The following NEBL variants were observed in gnomAD, a reference collection of about 807,000 sequenced individuals.
NEBL encodes LIM and SH3 protein 2.
In NEBL, 122 loss-of-function variants were observed where a neutral mutation model predicts 140.2. That is an observed-to-expected ratio of 0.87 (90% CI 0.75 to 1.01). The LOEUF (loss-of-function observed/expected upper bound fraction) is 1.01, where lower values mean the gene tolerates loss of function less well. NEBL is among the 50% of genes least tolerant of loss of function. The pLI, the probability that NEBL is intolerant of heterozygous loss-of-function variation, is 0.00. For missense variants in NEBL, 1,365 were observed against 1,231.3 expected, an observed-to-expected ratio of 1.11 and a Z score of -1.62; for synonymous variants, 436 against 398.9, an observed-to-expected ratio of 1.09 and a Z score of -1.11.
At chr10:20,796,200 C>T (rs565877169) in intron 26 of NEBL, among the ~76,000 whole-genome samples, 1 of 151,566 alleles carries the variant, frequency 6.6e-6, no homozygotes, top group African/African-American at 2.4e-5. Flanking sequence ...CACACCTCTA[C>T]TAAAATACAA....
intron 4 of NEBL, among the ~76,000 whole-genome samples, chr10:20,910,103 A>G (rs944568285): frequency 2.0e-5 from 3 of 152,330 alleles, no homozygotes; most frequent in Non-Finnish European, 2.9e-5. Flanking sequence ...GCAGTTTGTC[A>G]TGGAAAGTCT....
chr10:21,041,852 C>CCA (rs1834281600), intron 2 of NEBL, among the ~76,000 whole-genome samples: 1 of 152,166 alleles, frequency 6.6e-6, no homozygotes, highest in Non-Finnish European at 1.5e-5. Context: ...CCACTTTAGA[C>CCA]CATATATAGT....
intron 3 of NEBL, among the ~76,000 whole-genome samples, chr10:21,227,034 A>G (rs146197912): frequency 5.9e-5 from 9 of 152,244 alleles, no homozygotes; most frequent in South Asian, 2.1e-4. Context: ...GATTTCACCA[A>G]TTCAATTCTT....
At chr10:21,036,640 G>A (rs1457766376) in intron 2 of NEBL, among the ~76,000 whole-genome samples, 1 of 152,040 alleles carries the variant, frequency 6.6e-6, no homozygotes, top group Non-Finnish European at 1.5e-5. Flanking sequence ...TTCAAAAAGT[G>A]CATTCAGATC....
intron 2 of NEBL, among the ~76,000 whole-genome samples, chr10:21,107,329 T>G (rs1837765972): frequency 6.6e-6 from 1 of 152,216 alleles, no homozygotes; most frequent in Non-Finnish European, 1.5e-5. Context: ...CTCATTATTT[T>G]GAGATACGTT....
chr10:20,966,241 G>C (rs1310329204), intron 3 of NEBL, among the ~76,000 whole-genome samples: 1 of 152,192 alleles, frequency 6.6e-6, no homozygotes, highest in African/African-American at 2.4e-5. Flanking sequence ...ACAGAAACAT[G>C]ATATGCATGT....
At chr10:20,846,539 A>C (rs1348958300) in intron 11 of NEBL, among the ~76,000 whole-genome samples, 3 of 152,214 alleles carry the variant, frequency 2.0e-5, no homozygotes, top group Non-Finnish European at 4.4e-5. Context: ...AACAAAGTTA[A>C]ATAACCAGTT....
At chr10:21,051,855 C>T (rs1834793446) in intron 2 of NEBL, among the ~76,000 whole-genome samples, 3 of 152,000 alleles carry the variant, frequency 2.0e-5, no homozygotes, top group African/African-American at 7.3e-5. Flanking sequence ...ACATTTGTTC[C>T]TTAAGTATTT....
intron 7 of NEBL, among the ~76,000 whole-genome samples, chr10:20,867,082 TTC>T (rs905684741): frequency 6.6e-6 from 1 of 152,142 alleles, no homozygotes; most frequent in African/African-American, 2.4e-5. Context: ...ATTTGAAGAC[TTC>T]TCTTTTTTTA....
At position 20,894,934 on chromosome 10, in the gene NEBL, A is replaced by T. The variant is rs553903620; in HGVS notation, c.153+2024T>A. ...ATAGAGCGAGACTCTGTCTAAAAAA[A>T]AAAAAAAAAAAAAAAATTAAGGCAG... On this transcript the variant is annotated intron_variant, in intron 2 of 27. Transcript: ENST00000377122. 5.3e-3 allele frequency among the ~76,000 whole-genome samples: 793 copies of T among 150,984 alleles called. 3 individuals carry two copies. Among genetic ancestry groups the T allele is most frequent in the Middle Eastern group, 0.017 (5 of 292 alleles).
intron 1 of NEBL, among the ~76,000 whole-genome samples, chr10:21,291,841 G>A (rs1475130790): frequency 6.6e-6 from 1 of 151,376 alleles, no homozygotes; most frequent in African/African-American, 2.4e-5. Flanking sequence ...GGGAGGCAGA[G>A]GTTGCAGTGA....
chr10:21,032,279 C>T (rs1833832143), intron 2 of NEBL, among the ~76,000 whole-genome samples: 1 of 152,168 alleles, frequency 6.6e-6, no homozygotes, highest in Admixed American at 6.5e-5. Context: ...TCAATCTGGG[C>T]ATTTTCCACT....
Position 20,852,509 on chromosome 10 carries a change from G to C in NEBL, c.1008+36C>G, listed in dbSNP as rs553854133. 42 of 1,458,588 alleles carry C rather than the reference G, an allele frequency of 2.9e-5. No homozygotes were observed. The African/African-American group carries it at 5.3e-4, about 19-fold the overall frequency. The allele number at this position is 1,458,588 out of a possible 1,614,324, so 90.4% of individuals were successfully genotyped here. A position where few individuals can be genotyped will look rare whatever the true frequency, so the allele number is the denominator to read the frequency against. On this transcript the variant is annotated intron_variant, in intron 10 of 27. Transcript: ENST00000377122. ...GCCTCAGGATGGTTACGGGTTGCTG[G>C]CAGGGAGGGTAGGTACCGTACGGGC...
intron 4 of NEBL, among the ~76,000 whole-genome samples, chr10:20,947,621 T>C (rs149310273): frequency 6.4e-4 from 97 of 152,232 alleles, no homozygotes; most frequent in Middle Eastern, 3.4e-3. Context: ...AGTTGTTTAT[T>C]ATCATTGTGC....
chr10:21,092,731 T>C (rs1431780553), intron 2 of NEBL, among the ~76,000 whole-genome samples: 1 of 152,144 alleles, frequency 6.6e-6, no homozygotes, highest in African/African-American at 2.4e-5. Context: ...ACTCTTTTTC[T>C]ATTTTGACTC....
At chr10:20,858,166 A>T (rs976777924) in intron 9 of NEBL, 74 bp downstream of exon 9, 3 of 1,150,988 alleles carry the variant, frequency 2.6e-6, no homozygotes, top group Non-Finnish European at 3.9e-6. Flanking sequence ...GCAGGTGAGC[A>T]CATGAACGCT....
At chr10:20,818,926 G>A in intron 20 of NEBL, 1 of 973,332 alleles carries the variant, frequency 1.0e-6, no homozygotes, top group Non-Finnish European at 1.2e-6. Context: ...TATTAAATCT[G>A]GAGATATTCC....
chr10:21,121,228 G>A (rs1395302784), intron 2 of NEBL, among the ~76,000 whole-genome samples: 1 of 151,964 alleles, frequency 6.6e-6, no homozygotes, highest in Admixed American at 6.6e-5. Flanking sequence ...TTTCTATCTT[G>A]CTTATGGAGA....
At chr10:21,144,766 A>G (rs1418023563) in intron 2 of NEBL, among the ~76,000 whole-genome samples, 2 of 152,234 alleles carry the variant, frequency 1.3e-5, no homozygotes, top group South Asian at 2.1e-4. Context: ...TGGAATAGGA[A>G]GAGCCAGGTT....
Sources: allele counts gnomAD v4.1 joint callset (sites outside exome capture counted in the v4.1 genomes callset), GRCh38; gene constraint gnomAD v4.1.1; transcripts MANE v1.5; gene names NCBI Gene and HGNC (gene_info 2026-07-23, HGNC 2026-07-21).